The following FREM2 variants were observed in gnomAD, a reference collection of about 807,000 sequenced individuals.
FREM2 encodes the protein FRAS1-related extracellular matrix protein 2.
In FREM2, 119 loss-of-function variants were observed where a neutral mutation model predicts 219.9. The ratio of observed to expected loss-of-function variants is 0.54; its 90% CI spans 0.47 to 0.63. The LOEUF (loss-of-function observed/expected upper bound fraction) is 0.63, where lower values mean the gene tolerates loss of function less well. FREM2 is among the 30% of genes least tolerant of loss of function. The pLI is 0.00. For synonymous variants in FREM2, 1,562 were observed against 1,522.8 expected, an observed-to-expected ratio of 1.03 and a Z score of -0.60; for missense variants, 4,030 against 3,993.6, an observed-to-expected ratio of 1.01 and a Z score of -0.25.
chr13:38,703,630 G>A (rs974193056), intron 2 of FREM2, among the ~76,000 whole-genome samples: 1 of 152,112 alleles, frequency 6.6e-6, no homozygotes, highest in Non-Finnish European at 1.5e-5. Context: ...CAAGAACGAA[G>A]TTAAACCTTT....
In FREM2 at chr13:38,722,015, TTTG is replaced by T. The variant is rs1871291104; in HGVS notation, c.5263+24240_5263+24242del. On this transcript the variant is annotated intron_variant, in intron 2 of 23. Transcript: ENST00000280481. ...TGGTACTGGGACACAAACATTGATT[TTTG>T]TTGTTGTTGTTTCTTTTTAGAGGTA... Among the ~76,000 whole-genome samples, 6 of 152,100 alleles carry T rather than the reference TTTG, an allele frequency of 3.9e-5. No homozygotes were observed. The South Asian group carries it at 1.2e-3, about 32-fold the overall frequency.
Position 38,687,183 on chromosome 13 carries a change from C to T in FREM2, c.-162C>T. The T allele has an allele frequency of 3.9e-6, 4 of 1,013,006 alleles. No individual in the cohort carries two copies. Among genetic ancestry groups the T allele is most frequent in the Non-Finnish European group, 5.8e-6 (4 of 689,580 alleles). The allele number at this position is 1,013,006 out of a possible 1,614,324, so 62.8% of individuals were successfully genotyped here. The stretch of plus-strand genomic sequence containing the variant: ...GCTGCGGCTCCAGCCCGGACGGCGC[C>T]GCGCAACTTTGCCATCCTTCTGGCC... On this transcript the variant is annotated 5_prime_UTR_variant, in exon 1 of 24. Transcript: ENST00000280481.
chr13:38,762,349 T>C (rs561058398), intron 2 of FREM2, among the ~76,000 whole-genome samples: 2 of 152,248 alleles, frequency 1.3e-5, no homozygotes, highest in South Asian at 2.1e-4. Context: ...CAGCAGACAT[T>C]GGGCATAGTA....
At chr13:38,747,250 T>C (rs1164150383) in intron 2 of FREM2, among the ~76,000 whole-genome samples, 2 of 152,152 alleles carry the variant, frequency 1.3e-5, no homozygotes, top group African/African-American at 4.8e-5. Context: ...AAGAATGCAT[T>C]CTGAGAATTT....
intron 2 of FREM2, among the ~76,000 whole-genome samples, chr13:38,708,202 T>C (rs1870616196): frequency 2.0e-5 from 3 of 152,368 alleles, no homozygotes; most frequent in Admixed American, 2.0e-4. Flanking sequence ...TTTTCATTGA[T>C]ATACCCTCAG....
At chr13:38,739,216 A>G (rs886820209) in intron 2 of FREM2, among the ~76,000 whole-genome samples, 1 of 152,218 alleles carries the variant, frequency 6.6e-6, no homozygotes, top group East Asian at 1.9e-4. Context: ...TTTTAAAATG[A>G]TTGAATGTAA....
At chr13:38,870,589 G>T (rs1015238031) in intron 16 of FREM2, among the ~76,000 whole-genome samples, 1 of 152,158 alleles carries the variant, frequency 6.6e-6, no homozygotes, top group Admixed American at 6.6e-5. Flanking sequence ...GAAGGTAGGT[G>T]ATCTAGATGG....
At chr13:38,802,880 C>CT (rs1875072928) in intron 6 of FREM2, among the ~76,000 whole-genome samples, 1 of 152,144 alleles carries the variant, frequency 6.6e-6, no homozygotes, top group African/African-American at 2.4e-5. Flanking sequence ...ATATGGAGCC[C>CT]TGGGGGTCTG....
chr13:38,699,994 C>T (rs1870279300), intron 2 of FREM2, among the ~76,000 whole-genome samples: 1 of 152,040 alleles, frequency 6.6e-6, no homozygotes, highest in African/African-American at 2.4e-5. Context: ...AGTCAGGGCA[C>T]AATGGCATAA....
chr13:38,876,991 G>A (rs916172688), intron 20 of FREM2, 126 bp from the exon 21 acceptor site: 4 of 1,094,770 alleles, frequency 3.7e-6, no homozygotes, highest in African/African-American at 3.1e-5. Context: ...GCTTGGTAGG[G>A]TGTGAAAATT....
intron 2 of FREM2, among the ~76,000 whole-genome samples, chr13:38,760,755 G>A (rs1457309003): frequency 1.3e-5 from 2 of 151,964 alleles, no homozygotes; most frequent in Non-Finnish European, 2.9e-5. Flanking sequence ...TGCAATAGAT[G>A]TTTTTCTAAC....
chr13:38,747,521 CAT>C (rs1445568147), intron 2 of FREM2, among the ~76,000 whole-genome samples: 39 of 143,770 alleles, frequency 2.7e-4, no homozygotes, highest in African/African-American at 9.4e-4. Context: ...CACACACACA[CAT>C]TTATGTGTTT....
At chr13:38,846,930 G>C (rs1037169810) in intron 7 of FREM2, among the ~76,000 whole-genome samples, 2 of 152,054 alleles carry the variant, frequency 1.3e-5, no homozygotes, top group Non-Finnish European at 2.9e-5. Context: ...TCAGAAACTA[G>C]GTTACAAACG....
Position 38,876,014 on chromosome 13 carries a change from T to A in FREM2, c.8282-8T>A, listed in dbSNP as rs1266767235. On this transcript the variant is annotated splice_region_variant and splice_polypyrimidine_tract_variant and intron_variant, in intron 18 of 23. Transcript: ENST00000280481. Reference sequence around the variant, plus strand: ...ATATCATTATTATAATTACTGGCACTTTCCTAGCATCCTTTACAAGCTCAG... The same window carrying A: ...ATATCATTATTATAATTACTGGCACATTCCTAGCATCCTTTACAAGCTCAG... 6.2e-7 allele frequency: 1 copy of A among 1,612,618 alleles called. No individual in the cohort carries two copies. Among genetic ancestry groups the A allele is most frequent in the Admixed American group, 1.7e-5 (1 of 60,004 alleles).
chr13:38,760,513 G>C (rs148091654), intron 2 of FREM2, among the ~76,000 whole-genome samples: 13 of 152,182 alleles, frequency 8.5e-5, no homozygotes, highest in African/African-American at 3.1e-4. Context: ...ATAATCCCTG[G>C]GAGTGTCATT....
intron 6 of FREM2, among the ~76,000 whole-genome samples, chr13:38,794,264 A>G (rs982983938): frequency 6.6e-6 from 1 of 152,232 alleles, no homozygotes; most frequent in Admixed American, 6.5e-5. Flanking sequence ...AATGATAAAT[A>G]GAATAGTCAG....
intron 2 of FREM2, among the ~76,000 whole-genome samples, chr13:38,702,463 C>A (rs1327941488): frequency 1.3e-5 from 2 of 152,236 alleles, no homozygotes; most frequent in South Asian, 2.1e-4. Context: ...AACATTAGGA[C>A]AGGTGGAGAA....
intron 4 of FREM2, among the ~76,000 whole-genome samples, chr13:38,776,091 C>T (rs907447817): frequency 2.6e-5 from 4 of 152,186 alleles, no homozygotes; most frequent in African/African-American, 9.7e-5. Flanking sequence ...ATTACTATGT[C>T]TGTCTTAGAG....
intron 1 of FREM2, among the ~76,000 whole-genome samples, chr13:38,695,453 T>G (rs1198620592): frequency 1.3e-5 from 2 of 152,202 alleles, no homozygotes; most frequent in African/African-American, 2.4e-5. Flanking sequence ...GTTCTTAAAA[T>G]TCTGTTTTGA....
Sources: gnomAD v4.1 joint callset for allele counts (sites outside exome capture counted in the v4.1 genomes callset) on GRCh38, gnomAD v4.1.1 for gene constraint, MANE v1.5 for transcripts, NCBI Gene and HGNC (gene_info 2026-07-23, HGNC 2026-07-21) for gene names.